GPR176: variants seen among roughly 807,000 people sequenced by gnomAD.
The protein encoded by GPR176 is G protein-coupled receptor 176.
In GPR176, 26 loss-of-function variants were observed where a neutral mutation model predicts 35.4. The observed-to-expected ratio is 0.74, with a 90% confidence interval of 0.54 to 1.02. The LOEUF is 1.02. Among genes scored for constraint, GPR176 ranks in the 50% least tolerant of loss-of-function variants. The probability of loss-of-function intolerance (pLI) is 0.00; values close to 1 mark genes in which losing one functional copy is unlikely to be tolerated. For missense variants in GPR176, 597 were observed against 665.3 expected, an observed-to-expected ratio of 0.90 and a Z score of 1.13; for synonymous variants, 278 against 271.3, an observed-to-expected ratio of 1.02 and a Z score of -0.24.
chr15:39,817,207 C>A (rs1432033802), intron 1 of GPR176, among the ~76,000 whole-genome samples: 2 of 150,156 alleles, frequency 1.3e-5, no homozygotes, highest in African/African-American at 2.5e-5. Context: ...AAAACTATTC[C>A]ATTTTTTGCC....
chr15:39,850,769 G>T (rs1057104882), intron 1 of GPR176, among the ~76,000 whole-genome samples: 7 of 152,020 alleles, frequency 4.6e-5, no homozygotes, highest in African/African-American at 9.7e-5. Context: ...ACATCTGCAT[G>T]TCAATCTATA....
intron 1 of GPR176, chr15:39,807,642 G>A (rs1899287386): frequency 2.5e-6 from 2 of 807,624 alleles, no homozygotes; most frequent in Admixed American, 2.0e-5. Flanking sequence ...CAGAAATACA[G>A]TGCAAACCGC....
At chr15:39,886,013 C>T (rs1048384386) in intron 1 of GPR176, among the ~76,000 whole-genome samples, 1 of 152,114 alleles carries the variant, frequency 6.6e-6, no homozygotes, top group African/African-American at 2.4e-5. Context: ...GTGGGTGGAT[C>T]ACCTGAGGTC....
chr15:39,857,079 G>C (rs1432088649), intron 1 of GPR176, among the ~76,000 whole-genome samples: 1 of 152,190 alleles, frequency 6.6e-6, no homozygotes, highest in Non-Finnish European at 1.5e-5. Context: ...CTGTCTAACT[G>C]TATATAGCTC....
At chr15:39,883,390 C>A (rs553562756) in intron 1 of GPR176, among the ~76,000 whole-genome samples, 130 of 151,754 alleles carry the variant, frequency 8.6e-4, no homozygotes, top group African/African-American at 3.1e-3. Flanking sequence ...TAAAAAAAAA[C>A]ACTTCATTGA....
At chr15:39,888,145 G>C (rs1432032942) in intron 1 of GPR176, among the ~76,000 whole-genome samples, 1 of 152,152 alleles carries the variant, frequency 6.6e-6, no homozygotes, top group Non-Finnish European at 1.5e-5. Context: ...ATGCTGTAAA[G>C]CCAGAGTACT....
At chr15:39,900,070 T>A (rs994758075) in intron 1 of GPR176, among the ~76,000 whole-genome samples, 22 of 152,156 alleles carry the variant, frequency 1.4e-4, no homozygotes, top group African/African-American at 4.8e-4. Flanking sequence ...ACCAAAAAAA[T>A]TAACAAGTTG....
chr15:39,869,829 A>T (rs559964652), intron 1 of GPR176, among the ~76,000 whole-genome samples: 6 of 152,190 alleles, frequency 3.9e-5, no homozygotes, highest in African/African-American at 1.2e-4. Flanking sequence ...TATTTTTTTT[A>T]AAATGTAGAC....
intron 1 of GPR176, among the ~76,000 whole-genome samples, chr15:39,850,524 G>GGA (rs1237738123): frequency 1.3e-5 from 2 of 152,146 alleles, no homozygotes; most frequent in Non-Finnish European, 2.9e-5. Flanking sequence ...TCATAGAAAT[G>GGA]GAGAACAGAT....
At chr15:39,820,589 G>T (rs275716) in intron 1 of GPR176, among the ~76,000 whole-genome samples, 2 of 151,974 alleles carry the variant, frequency 1.3e-5, no homozygotes, top group South Asian at 2.1e-4. Context: ...AATATCTGTA[G>T]TAATATATAT....
At chr15:39,896,470 T>C (rs2033117586) in intron 1 of GPR176, among the ~76,000 whole-genome samples, 1 of 152,266 alleles carries the variant, frequency 6.6e-6, no homozygotes, top group Non-Finnish European at 1.5e-5. Flanking sequence ...TTGAATCTCA[T>C]ATAAATATAT....
At chr15:39,889,668 G>C (rs1211627832) in intron 1 of GPR176, among the ~76,000 whole-genome samples, 1 of 152,072 alleles carries the variant, frequency 6.6e-6, no homozygotes, top group African/African-American at 2.4e-5. Context: ...CCAAATATGA[G>C]AACGCTAGGG....
intron 1 of GPR176, among the ~76,000 whole-genome samples, chr15:39,832,517 GA>G (rs1233599289): frequency 6.6e-6 from 1 of 152,070 alleles, no homozygotes; most frequent in Non-Finnish European, 1.5e-5. Flanking sequence ...GGTTCTAGGG[GA>G]AAATCCATTT....
intron 1 of GPR176, among the ~76,000 whole-genome samples, chr15:39,843,056 A>G (rs1271431087): frequency 6.6e-6 from 1 of 151,702 alleles, no homozygotes; most frequent in Non-Finnish European, 1.5e-5. Context: ...AAAAAAAAAA[A>G]GTGGTGGGGG....
chr15:39,829,805 G>C (rs1900945159), intron 1 of GPR176, among the ~76,000 whole-genome samples: 1 of 152,070 alleles, frequency 6.6e-6, no homozygotes, highest in South Asian at 2.1e-4. Context: ...CTCTGAGTTG[G>C]CATGAGTACA....
At position 39,800,381 on chromosome 15, in the gene GPR176, T is replaced by C. The variant is rs1327079504; in HGVS notation, c.*751A>G. The C allele has an allele frequency of 6.6e-6, 1 of 152,226 alleles. No homozygotes were observed. Among genetic ancestry groups the C allele is most frequent in the Non-Finnish European group, 1.5e-5 (1 of 68,048 alleles). The allele number at this position is 152,226 out of a possible 1,614,324, so 9.4% of individuals were successfully genotyped here. A position where few individuals can be genotyped will look rare whatever the true frequency, so the allele number is the denominator to read the frequency against. ...AAGGTGAAAGACAGAGCGAAGACTT[T>C]TCAGTGTTTTCCAGCCAACACTGAC... On this transcript the variant is annotated 3_prime_UTR_variant, in exon 3 of 3. Coordinates refer to ENST00000561100, the MANE Select transcript of GPR176 (RefSeq NM_007223.3).
chr15:39,864,956 T>C (rs1161920740), intron 1 of GPR176, among the ~76,000 whole-genome samples: 1 of 146,374 alleles, frequency 6.8e-6, no homozygotes, highest in Non-Finnish European at 1.5e-5. Context: ...ACGCTCAACA[T>C]TGCTAATCAT....
intron 1 of GPR176, among the ~76,000 whole-genome samples, chr15:39,854,766 G>A (rs1196365818): frequency 6.6e-6 from 1 of 152,114 alleles, no homozygotes; most frequent in African/African-American, 2.4e-5. Context: ...GCCAGGCACA[G>A]TGGCTCATAC....
At chr15:39,826,066 G>A (rs546905951) in intron 1 of GPR176, among the ~76,000 whole-genome samples, 19 of 152,258 alleles carry the variant, frequency 1.2e-4, no homozygotes, top group African/African-American at 4.6e-4. Flanking sequence ...GAACCCCTAA[G>A]AGGGTGTGAG....
Sources: allele counts gnomAD v4.1 joint callset (sites outside exome capture counted in the v4.1 genomes callset), GRCh38; gene constraint gnomAD v4.1.1; transcripts MANE v1.5; gene names NCBI Gene and HGNC (gene_info 2026-07-23, HGNC 2026-07-21).